Variants in PTCHD1 observed in about 807,000 individuals in gnomAD.
PTCHD1 encodes the protein patched domain-containing protein 1.
In PTCHD1, 3 loss-of-function variants were observed where a neutral mutation model predicts 34.6. That is an observed-to-expected ratio of 0.09 (90% CI 0.04 to 0.22). The LOEUF is 0.22. PTCHD1 is among the 10% of genes least tolerant of loss of function. The pLI is 1.00. For synonymous variants in PTCHD1, 305 were observed against 283.1 expected (o/e 1.08, Z -0.77); for missense variants, 504 against 685.5 (o/e 0.74, Z 2.96).
chrX:23,341,549 T>C (rs1417332398), intron 1 of PTCHD1, among the ~76,000 whole-genome samples: 1 of 111,664 alleles, frequency 9.0e-6, no homozygotes, highest in Non-Finnish European at 1.9e-5. Context: ...ACCTTTGAAG[T>C]CACCTGCTTG....
chrX:23,374,642 C>T (rs993333721), intron 1 of PTCHD1, among the ~76,000 whole-genome samples: 4 of 109,400 alleles, frequency 3.7e-5, no homozygotes, highest in South Asian at 8.1e-4. Context: ...TATTCTTTAC[C>T]GTTTTCCTTC....
intron 1 of PTCHD1, among the ~76,000 whole-genome samples, chrX:23,368,918 C>G (rs1026895365): frequency 9.0e-5 from 10 of 110,516 alleles, no homozygotes; most frequent in Non-Finnish European, 1.7e-4. Context: ...CAAAGAATTA[C>G]CCAGACGTGG....
In PTCHD1 at chrX:23,335,022, G is replaced by A. The variant is rs752173777; in HGVS notation, c.147G>A (p.Glu49=). 5 of 1,211,331 alleles carry A rather than the reference G, an allele frequency of 4.1e-6. No individual in the cohort carries two copies. In the Admixed American group the frequency reaches 1.1e-4, roughly 26 times the overall value. The part of the protein sequence containing the change: ...LGASFSRYQV[E]ESVEHLLAPQ... ...CCAGCTTCAGCCGCTACCAGGTCGA[G>A]GAGAGCGTGGAGCACCTGCTGGCGC... The change falls in exon 1 of 3, where the codon GAG becomes GAA. Residue 49 remains glutamate, a synonymous_variant. Coordinates refer to ENST00000379361, the MANE Select transcript of PTCHD1 (RefSeq NM_173495.3).
intron 1 of PTCHD1, among the ~76,000 whole-genome samples, chrX:23,376,461 A>G (rs1214777244): frequency 3.6e-5 from 4 of 112,498 alleles, no homozygotes; most frequent in Non-Finnish European, 1.9e-5. Flanking sequence ...AGTTTAGAAC[A>G]TCCACTAATG....
chrX:23,334,989 G>C lies in PTCHD1; in HGVS notation c.114G>C (p.Leu38=). The C allele has an allele frequency of 8.3e-7, 1 of 1,210,279 alleles. No homozygotes were observed. The highest frequency in any genetic ancestry group is 1.7e-5 in the African/African-American group (1 of 57,697). ...CGGCGCCGGTGCTCATCTCCATCCTGCTCGGCGCCAGCTTCAGCCGCTACC... is the reference window on the plus strand; with the variant it reads ...CGGCGCCGGTGCTCATCTCCATCCTCCTCGGCGCCAGCTTCAGCCGCTACC... ...FASAPVLISI[L]LGASFSRYQV... is the part of the protein sequence containing the mutation. The change falls in exon 1 of 3, where the codon CTG becomes CTC. Residue 38 remains leucine (L), a synonymous_variant. Coordinates refer to ENST00000379361, the MANE Select transcript of PTCHD1 (RefSeq NM_173495.3).
At chrX:23,367,137 G>C (rs749096625) in intron 1 of PTCHD1, among the ~76,000 whole-genome samples, 61 of 112,350 alleles carry the variant, frequency 5.4e-4, no homozygotes, top group African/African-American at 1.8e-3. Context: ...TGAAGATAAA[G>C]TTATGTCTTA....
In PTCHD1 at chrX:23,396,383, G is replaced by C. The variant is rs1337331104; in HGVS notation, c.*2198G>C. 3 of 111,985 alleles carry C rather than the reference G, an allele frequency of 2.7e-5. No individual in the cohort carries two copies. Among genetic ancestry groups the C allele is most frequent in the Non-Finnish European group, 5.6e-5 (3 of 53,194 alleles). The allele number at this position is 111,985 out of a possible 1,213,427, so 9.2% of individuals were successfully genotyped here. On this transcript the variant is annotated 3_prime_UTR_variant, in exon 3 of 3. Coordinates refer to ENST00000379361, the MANE Select transcript of PTCHD1 (RefSeq NM_173495.3). ...ATCTTCGATCAATTCTCTCTCCAAG[G>C]GGCCCGCAACTAGGCTATTATTCAT...
intron 1 of PTCHD1, among the ~76,000 whole-genome samples, chrX:23,377,842 G>A (rs982060733): frequency 2.4e-4 from 27 of 111,167 alleles, no homozygotes; most frequent in African/African-American, 6.9e-4. Flanking sequence ...AGGCACATGC[G>A]CAGCAAAATG....
chrX:23,346,910 A>G (rs1344541536), intron 1 of PTCHD1, among the ~76,000 whole-genome samples: 1 of 112,320 alleles, frequency 8.9e-6, no homozygotes, highest in African/African-American at 3.2e-5. Flanking sequence ...GCTGTGAACT[A>G]TTAATGTGTC....
intron 1 of PTCHD1, 128 bp from the exon 2 acceptor site, chrX:23,379,463 C>G: frequency 1.5e-6 from 1 of 686,634 alleles, no homozygotes. Flanking sequence ...TTCCTACTAC[C>G]TATTTCTGAT....
At position 23,394,703 on chromosome X, in the gene PTCHD1, C is replaced by T. The variant is rs1485661579; in HGVS notation, c.*518C>T. 8.7e-6 allele frequency: 1 copy of T among 115,556 alleles called. No homozygotes were observed. Among genetic ancestry groups the T allele is most frequent in the Non-Finnish European group, 1.8e-5 (1 of 55,051 alleles). The allele number at this position is 115,556 out of a possible 1,213,427, so 9.5% of individuals were successfully genotyped here. On this transcript the variant is annotated 3_prime_UTR_variant, in exon 3 of 3. Transcript: ENST00000379361. ...TTAGCTGTCTCACCTAGCTCCCTAA[C>T]ACTGAAGGAGATACTTGTGAAAGTT...
chrX:23,361,985 T>G (rs1921998300), intron 1 of PTCHD1, among the ~76,000 whole-genome samples: 1 of 112,717 alleles, frequency 8.9e-6, no homozygotes, highest in South Asian at 3.7e-4. Flanking sequence ...GCCCCCACTC[T>G]CTTCTGGCTT....
chrX:23,403,469 A>G lies in PTCHD1; in HGVS notation c.*9284A>G, dbSNP rs1923170055. ...TGAGTCACATCACTTTTCTCCAGGA[A>G]AGGCAGAACGTGCTCAGGGTGGAAT... On this transcript the variant is annotated 3_prime_UTR_variant, in exon 3 of 3. Transcript: ENST00000379361. 1 of 112,272 alleles carries G rather than the reference A, an allele frequency of 8.9e-6. No homozygotes were observed. The highest frequency in any genetic ancestry group is 1.9e-5 in the Non-Finnish European group (1 of 53,250). 9.3% of individuals were successfully genotyped at this position (112,272 alleles called of 1,213,427 possible).
chrX:23,390,337 A>AC (rs1474517352), intron 2 of PTCHD1, among the ~76,000 whole-genome samples: 2 of 109,733 alleles, frequency 1.8e-5, no homozygotes, highest in African/African-American at 6.7e-5. Context: ...AGGAAAAAAA[A>AC]AAAAAAAACA....
intron 1 of PTCHD1, among the ~76,000 whole-genome samples, chrX:23,361,083 T>A (rs1025499002): frequency 8.9e-6 from 1 of 112,001 alleles, no homozygotes; most frequent in Non-Finnish European, 1.9e-5. Flanking sequence ...GTGGTCAGTT[T>A]TGGAATAAAT....
rs767034279 is a variant in PTCHD1 at position 23,394,066 on chromosome X, C to A, written c.2548C>A (p.Pro850Thr). The change falls in exon 3 of 3, where the codon CCA (proline) becomes ACA (threonine). Residue 850 changes from proline to threonine, a missense_variant. Pro to Thr is a conservative substitution (Grantham distance 38, BLOSUM62 -1). Transcript: ENST00000379361. ...AILPVILTFLPPSKKKRKEKK... is the reference protein window; with the variant it reads ...AILPVILTFLTPSKKKRKEKK... ...TTTACCTGTGATACTGACTTTCCTG[C>A]CACCCTCTAAGAAAAAAAGGAAAGA... 9 of 1,205,637 alleles carry A rather than the reference C, an allele frequency of 7.5e-6. No individual in the cohort carries two copies. Among genetic ancestry groups the A allele is most frequent in the Admixed American group, 2.2e-5 (1 of 45,320 alleles).
At chrX:23,371,385 G>C (rs1355900798) in intron 1 of PTCHD1, among the ~76,000 whole-genome samples, 2 of 111,431 alleles carry the variant, frequency 1.8e-5, no homozygotes, top group Admixed American at 1.9e-4. Context: ...GCATTGTCAA[G>C]CCAGCTACTC....
chrX:23,349,349 G>A (rs992904728), intron 1 of PTCHD1, among the ~76,000 whole-genome samples: 4 of 111,394 alleles, frequency 3.6e-5, no homozygotes, highest in African/African-American at 1.3e-4. Context: ...AATATACAAA[G>A]TAAAAGATGA....
chrX:23,348,525 AAG>A (rs1422388144), intron 1 of PTCHD1, among the ~76,000 whole-genome samples: 4 of 111,679 alleles, frequency 3.6e-5, no homozygotes, highest in Non-Finnish European at 5.7e-5. Context: ...ACCAAAGACA[AAG>A]AGGAAATCTT....
Sources: gnomAD v4.1 joint callset for allele counts (sites outside exome capture counted in the v4.1 genomes callset) on GRCh38, gnomAD v4.1.1 for gene constraint, MANE v1.5 for transcripts, NCBI Gene and HGNC (gene_info 2026-07-23, HGNC 2026-07-21) for gene names.